The following SNCAIP variants were observed in gnomAD, a reference collection of about 807,000 sequenced individuals.
SNCAIP encodes the protein synphilin-1.
Under a neutral mutation model 86.7 loss-of-function variants are expected in SNCAIP, and 43 were observed. The ratio of observed to expected loss-of-function variants is 0.50; its 90% CI spans 0.39 to 0.64. The LOEUF (loss-of-function observed/expected upper bound fraction) is 0.64, where lower values mean the gene tolerates loss of function less well. SNCAIP is among the 30% of genes least tolerant of loss of function. The pLI, the probability that SNCAIP is intolerant of heterozygous loss-of-function variation, is 0.00. For synonymous variants in SNCAIP, 417 were observed against 427.2 expected (o/e 0.98, Z 0.29); for missense variants, 981 against 1,103.1 (o/e 0.89, Z 1.57).
rs541191012 is a variant in SNCAIP, at chr5:122,351,536, C to CAAAAAAA, written c.-47+39276_-47+39282dup. The stretch of plus-strand genomic sequence containing the variant: ...TGGGCAACAGAGTGAGACTCTGTAT[C>CAAAAAAA]AAAAAAAAAAAAAAAAAAAAAAAAA... On this transcript the variant is annotated intron_variant, in intron 1 of 10. Transcript: ENST00000261368. Among the ~76,000 whole-genome samples, 184 of 36,504 alleles carry CAAAAAAA rather than the reference C, an allele frequency of 5.0e-3. 18 individuals carry two copies. Among genetic ancestry groups the CAAAAAAA allele is most frequent in the African/African-American group, 0.013 (160 of 11,974 alleles). 23.9% of individuals were successfully genotyped at this position (36,504 alleles called of 152,430 possible). A position where few individuals can be genotyped will look rare whatever the true frequency, so the allele number is the denominator to read the frequency against.
At chr5:122,320,583 T>C (rs1228238391) in intron 1 of SNCAIP, among the ~76,000 whole-genome samples, 1 of 152,246 alleles carries the variant, frequency 6.6e-6, no homozygotes, top group African/African-American at 2.4e-5. Context: ...TTAAAAACTC[T>C]GATCACAAAA....
chr5:122,450,980 G>A lies in SNCAIP; in HGVS notation c.2133G>A (p.Met711Ile). The A allele has an allele frequency of 1.9e-6, 3 of 1,614,112 alleles. No homozygotes were observed. The South Asian group carries it at 3.3e-5, about 18-fold the overall frequency. The change falls in exon 10 of 11, where the codon ATG (methionine) becomes ATA (isoleucine). Residue 711 changes from methionine (M) to isoleucine (I), a missense_variant. By Grantham distance (10) the Met-to-Ile change is conservative (BLOSUM62 1). Coordinates refer to ENST00000261368, the MANE Select transcript of SNCAIP (RefSeq NM_005460.4). ...CCATTGTAGAAAGCGTAGAGAGTAT[G>A]GACAGCGCAGAAAGCCTGCACCTGA... ...PQPIVESVES[M>I]DSAESLHLMI...
At chr5:122,366,899 A>T (rs1041298345) in intron 1 of SNCAIP, among the ~76,000 whole-genome samples, 1 of 152,164 alleles carries the variant, frequency 6.6e-6, no homozygotes, top group African/African-American at 2.4e-5. Context: ...AGAAGCAAAA[A>T]TCTAATTTAT....
chr5:122,336,319 C>T (rs936528720), intron 1 of SNCAIP, among the ~76,000 whole-genome samples: 1 of 152,050 alleles, frequency 6.6e-6, no homozygotes, highest in Non-Finnish European at 1.5e-5. Context: ...TACTATTGTC[C>T]AATTCTGCTA....
chr5:122,462,784 C>T (rs950543962), intron 10 of SNCAIP, among the ~76,000 whole-genome samples: 1 of 152,060 alleles, frequency 6.6e-6, no homozygotes. Flanking sequence ...TAATATGTGG[C>T]CTTGTCCACC....
At chr5:122,343,715 A>T (rs1258872165) in intron 1 of SNCAIP, among the ~76,000 whole-genome samples, 1 of 152,148 alleles carries the variant, frequency 6.6e-6, no homozygotes, top group African/African-American at 2.4e-5. Context: ...ATCTCTGTGC[A>T]CTGTAGAATA....
chr5:122,318,901 C>G (rs964568615), intron 1 of SNCAIP, among the ~76,000 whole-genome samples: 1 of 151,378 alleles, frequency 6.6e-6, no homozygotes, highest in Non-Finnish European at 1.5e-5. Context: ...TTAAAAGATG[C>G]CTTACAATTA....
intron 5 of SNCAIP, among the ~76,000 whole-genome samples, chr5:122,427,439 G>T (rs552818128): frequency 1.3e-5 from 2 of 151,634 alleles, no homozygotes; most frequent in Admixed American, 1.3e-4. Flanking sequence ...AACTTTTACA[G>T]GTTTGAGGTC....
chr5:122,330,101 G>A (rs1351523785), intron 1 of SNCAIP, among the ~76,000 whole-genome samples: 3 of 148,650 alleles, frequency 2.0e-5, no homozygotes, highest in African/African-American at 5.0e-5. Context: ...GCTTACCTCC[G>A]TGTACAACTT....
chr5:122,405,071 T>G (rs1415389455), intron 3 of SNCAIP, among the ~76,000 whole-genome samples: 1 of 152,230 alleles, frequency 6.6e-6, no homozygotes, highest in Non-Finnish European at 1.5e-5. Context: ...AGGATGTGTC[T>G]TCTTAAAAGG....
At chr5:122,414,756 G>A (rs1391521621) in intron 3 of SNCAIP, among the ~76,000 whole-genome samples, 3 of 152,172 alleles carry the variant, frequency 2.0e-5, no homozygotes, top group African/African-American at 7.2e-5. Flanking sequence ...CCAGTGTTAC[G>A]GGAAGAAAGT....
chr5:122,362,773 G>A (rs574818046), intron 1 of SNCAIP, among the ~76,000 whole-genome samples: 8 of 152,162 alleles, frequency 5.3e-5, no homozygotes, highest in South Asian at 2.1e-4. Flanking sequence ...TACATTCAGC[G>A]GCCTAGGCAG....
intron 1 of SNCAIP, among the ~76,000 whole-genome samples, chr5:122,330,117 C>CCTT (rs1415466705): frequency 4.1e-5 from 4 of 96,832 alleles, no homozygotes; most frequent in African/African-American, 1.7e-4. Flanking sequence ...AACTTCATTT[C>CCTT]TTTTTTTTTT....
intron 1 of SNCAIP, among the ~76,000 whole-genome samples, chr5:122,330,466 A>C (rs1755082973): frequency 6.6e-6 from 1 of 152,122 alleles, no homozygotes; most frequent in Non-Finnish European, 1.5e-5. Flanking sequence ...CAGCATTTGT[A>C]TTTCAACTTA....
At position 122,463,502 on chromosome 5, in the gene SNCAIP, T is replaced by C. The variant is rs933693838; in HGVS notation, c.*6T>C. 4 of 1,601,306 alleles carry C rather than the reference T, an allele frequency of 2.5e-6. No homozygotes were observed. The African/African-American group carries it at 4.0e-5, about 16-fold the overall frequency. The stretch of plus-strand genomic sequence containing the variant: ...TCTCTTCTGCTTAGGCATAATGACA[T>C]CAATAGAAAAATGAAGAAATCCTAC... On this transcript the variant is annotated 3_prime_UTR_variant, in exon 11 of 11. Transcript: ENST00000261368.
At chr5:122,425,739 T>C (rs1204641536) in intron 5 of SNCAIP, among the ~76,000 whole-genome samples, 1 of 152,226 alleles carries the variant, frequency 6.6e-6, no homozygotes, top group Non-Finnish European at 1.5e-5. Flanking sequence ...AATCTGCTAC[T>C]AAAGAGAAAG....
chr5:122,360,670 C>T lies in SNCAIP; in HGVS notation c.-46-30419C>T, dbSNP rs143332302. On this transcript the variant is annotated intron_variant, in intron 1 of 10. Coordinates refer to ENST00000261368, the MANE Select transcript of SNCAIP (RefSeq NM_005460.4). ...GTTTAAATGTTAGGCATGTGAAAAC[C>T]ACCTGGCACAGGGTAGTTGCTCAAA... 4.6e-4 allele frequency among the ~76,000 whole-genome samples: 70 copies of T among 152,252 alleles called. 1 individual carries two copies. The highest frequency in any genetic ancestry group is 1.7e-3 in the African/African-American group (69 of 41,538).
chr5:122,356,259 T>A (rs1219692023), intron 1 of SNCAIP, among the ~76,000 whole-genome samples: 1 of 151,906 alleles, frequency 6.6e-6, no homozygotes, highest in African/African-American at 2.4e-5. Flanking sequence ...TCCAAGTAGC[T>A]GGGACCACAA....
At chr5:122,348,923 T>A (rs1384214026) in intron 1 of SNCAIP, among the ~76,000 whole-genome samples, 1 of 152,194 alleles carries the variant, frequency 6.6e-6, no homozygotes, top group Non-Finnish European at 1.5e-5. Context: ...TGGTCTTTAA[T>A]CTAGTTCATA....
Sources: gnomAD v4.1 joint callset for allele counts (sites outside exome capture counted in the v4.1 genomes callset) on GRCh38, gnomAD v4.1.1 for gene constraint, MANE v1.5 for transcripts, NCBI Gene and HGNC (gene_info 2026-07-23, HGNC 2026-07-21) for gene names.